The following RMST variants were observed in gnomAD, a reference collection of about 807,000 sequenced individuals.
The protein encoded by RMST is rhabdomyosarcoma 2 associated transcript.
chr12:97,512,816 C>G (rs1209689790), intron 10 of RMST, among the ~76,000 whole-genome samples: 4 of 152,244 alleles, frequency 2.6e-5, no homozygotes, highest in African/African-American at 4.8e-5. Context: ...GTCGATGGGA[C>G]TGGGCGCAGT....
At chr12:97,517,748 T>C (rs1880083300) in intron 10 of RMST, among the ~76,000 whole-genome samples, 1 of 152,090 alleles carries the variant, frequency 6.6e-6, no homozygotes, top group African/African-American at 2.4e-5. Context: ...AATAATTATA[T>C]GAACATCTGT....
chr12:97,550,995 T>G (rs1883271232), intron 11 of RMST, among the ~76,000 whole-genome samples: 1 of 152,104 alleles, frequency 6.6e-6, no homozygotes, highest in Non-Finnish European at 1.5e-5. Context: ...AAGAGAACAC[T>G]TAACTAATTG....
chr12:97,532,469 T>C (rs1301148775), intron 11 of RMST, among the ~76,000 whole-genome samples: 3 of 151,862 alleles, frequency 2.0e-5, no homozygotes, highest in Admixed American at 6.6e-5. Context: ...AATAAGTAGA[T>C]GACAATTACA....
chr12:97,563,801 G>T, intron 13 of RMST: 1 of 498,796 alleles, frequency 2.0e-6, no homozygotes, highest in South Asian at 1.5e-5. Context: ...AATAAGTTTT[G>T]CATCCGACCA....
intron 11 of RMST, among the ~76,000 whole-genome samples, chr12:97,539,078 C>G (rs1882306664): frequency 6.6e-6 from 1 of 151,434 alleles, no homozygotes; most frequent in Admixed American, 6.6e-5. Flanking sequence ...TATTTGCTGT[C>G]TAATCAATGA....
At chr12:97,496,317 A>G (rs569419660) in intron 10 of RMST, among the ~76,000 whole-genome samples, 1 of 152,244 alleles carries the variant, frequency 6.6e-6, no homozygotes, top group Admixed American at 6.5e-5. Context: ...CCACTGCCAA[A>G]ATAGAATGTA....
intron 10 of RMST, among the ~76,000 whole-genome samples, chr12:97,527,307 C>T (rs916176886): frequency 6.6e-6 from 1 of 152,114 alleles, no homozygotes; most frequent in Non-Finnish European, 1.5e-5. Flanking sequence ...TTGCTTTGTT[C>T]TCACCAACTG....
chr12:97,465,226 G>A (rs989585560), intron 4 of RMST, among the ~76,000 whole-genome samples: 1 of 152,220 alleles, frequency 6.6e-6, no homozygotes, highest in Non-Finnish European at 1.5e-5. Context: ...AAGCGCTAAG[G>A]CACAAGCTGG....
chr12:97,495,651 C>G (rs1221150075), intron 9 of RMST, among the ~76,000 whole-genome samples: 1 of 152,048 alleles, frequency 6.6e-6, no homozygotes, highest in Non-Finnish European at 1.5e-5. Flanking sequence ...GCCATTCTCT[C>G]TTTGGGTTAA....
intron 10 of RMST, among the ~76,000 whole-genome samples, chr12:97,528,653 A>G (rs933565225): frequency 2.0e-5 from 3 of 152,198 alleles, no homozygotes; most frequent in African/African-American, 7.2e-5. Flanking sequence ...TTGTAAAGAT[A>G]TAAGTTTGAA....
chr12:97,483,723 C>T (rs1008264513), intron 5 of RMST, among the ~76,000 whole-genome samples: 1 of 152,124 alleles, frequency 6.6e-6, no homozygotes, highest in Non-Finnish European at 1.5e-5. Context: ...AGCTGTACCT[C>T]CTCCCTCCCC....
intron 10 of RMST, among the ~76,000 whole-genome samples, chr12:97,496,265 G>C (rs1320284011): frequency 6.6e-6 from 1 of 151,872 alleles, no homozygotes; most frequent in Non-Finnish European, 1.5e-5. Flanking sequence ...CAACCCAAAT[G>C]GGTGTACCCT....
intron 5 of RMST, among the ~76,000 whole-genome samples, chr12:97,468,335 A>G (rs936336033): frequency 2.0e-5 from 3 of 152,050 alleles, no homozygotes; most frequent in Non-Finnish European, 2.9e-5. Flanking sequence ...GGTGTTTATA[A>G]TCTCTTTTTC....
intron 13 of RMST, among the ~76,000 whole-genome samples, chr12:97,562,383 G>A (rs992542411): frequency 1.3e-5 from 2 of 152,044 alleles, no homozygotes; most frequent in Admixed American, 1.3e-4. Context: ...TTCTTCTAGT[G>A]TATTTTCAAA....
At chr12:97,499,033 G>A (rs544410009) in intron 10 of RMST, among the ~76,000 whole-genome samples, 6 of 152,274 alleles carry the variant, frequency 3.9e-5, no homozygotes, top group African/African-American at 7.2e-5. Context: ...GAAGGTGCCC[G>A]CTGGGGCTGT....
At chr12:97,522,484 A>G (rs1880617102) in intron 10 of RMST, among the ~76,000 whole-genome samples, 1 of 152,154 alleles carries the variant, frequency 6.6e-6, no homozygotes, top group African/African-American at 2.4e-5. Flanking sequence ...CTCTCTGATC[A>G]TGCCTTTTGC....
At chr12:97,563,676 C>A in intron 13 of RMST, 2 of 412,966 alleles carry the variant, frequency 4.8e-6, no homozygotes, top group Non-Finnish European at 9.5e-6. Flanking sequence ...CTTGTTAATT[C>A]GTGATGTCAC....
At chr12:97,517,867 A>T (rs1167518100) in intron 10 of RMST, among the ~76,000 whole-genome samples, 3 of 151,914 alleles carry the variant, frequency 2.0e-5, no homozygotes, top group African/African-American at 7.3e-5. Flanking sequence ...GTGCATTAAA[A>T]TTTTTCTTAC....
chr12:97,561,218 A>G (rs1041548720), intron 13 of RMST, among the ~76,000 whole-genome samples: 9 of 152,162 alleles, frequency 5.9e-5, no homozygotes, highest in African/African-American at 2.2e-4. Flanking sequence ...ACTATGACTA[A>G]TTTTACGTTT....
Sources: allele counts gnomAD v4.1 joint callset (sites outside exome capture counted in the v4.1 genomes callset), GRCh38; gene constraint gnomAD v4.1.1; transcripts MANE v1.5; gene names NCBI Gene and HGNC (gene_info 2026-07-23, HGNC 2026-07-21).